The following GPNMB variants were observed in gnomAD, a reference collection of about 807,000 sequenced individuals.
GPNMB encodes the protein transmembrane glycoprotein NMB.
A neutral mutation model predicts 57.3 loss-of-function variants in GPNMB; 71 were observed. That is an observed-to-expected ratio of 1.24 (90% CI 1.02 to 1.51). GPNMB has a LOEUF of 1.51. Ranked by LOEUF, GPNMB falls within the 40% of genes most tolerant of loss-of-function variation. The pLI, the probability that GPNMB is intolerant of heterozygous loss-of-function variation, is 0.00. For synonymous variants in GPNMB, 253 were observed against 263.2 expected (o/e 0.96, Z 0.38); for missense variants, 677 against 691.9 (o/e 0.98, Z 0.24).
In GPNMB at chr7:23,256,945, G is replaced by T. The variant is rs146184286; in HGVS notation, c.421G>T (p.Asp141Tyr). ...TTACAACTGGACAGCATGGTCAGAGGACAGTGACGGGGAAAATGGCACCGG... is the reference window on the plus strand; with the variant it reads ...TTACAACTGGACAGCATGGTCAGAGTACAGTGACGGGGAAAATGGCACCGG... ...YVYNWTAWSE[D>Y]SDGENGTGQS... The change falls in exon 4 of 11, where the codon GAC (aspartate) becomes TAC (tyrosine). Residue 141 changes from aspartate (D) to tyrosine (Y), a missense_variant. Physicochemically the swap from Asp to Tyr is radical, Grantham distance 160. Coordinates refer to ENST00000258733, the MANE Select transcript of GPNMB (RefSeq NM_002510.3). 454 of 1,614,192 alleles carry T rather than the reference G, an allele frequency of 2.8e-4. 1 individual carries two copies. In the African/African-American group the frequency reaches 5.3e-3, roughly 19 times the overall value.
chr7:23,272,423 A>G (rs1163153718), intron 9 of GPNMB, among the ~76,000 whole-genome samples: 1 of 152,052 alleles, frequency 6.6e-6, no homozygotes, highest in Non-Finnish European at 1.5e-5. Context: ...TGAGCCCAGA[A>G]GTCCAGCCTG....
rs1271712521 is a variant in GPNMB, at chr7:23,274,789, G to A, written c.*565G>A. The A allele has an allele frequency of 6.6e-6, 1 of 152,108 alleles. No homozygotes were observed. Among genetic ancestry groups the A allele is most frequent in the East Asian group, 1.9e-4 (1 of 5,186 alleles). The allele number at this position is 152,108 out of a possible 1,614,324, so 9.4% of individuals were successfully genotyped here. A position where few individuals can be genotyped will look rare whatever the true frequency, so the allele number is the denominator to read the frequency against. On this transcript the variant is annotated 3_prime_UTR_variant, in exon 11 of 11. Coordinates refer to ENST00000258733, the MANE Select transcript of GPNMB (RefSeq NM_002510.3). Reference sequence around the variant, plus strand: ...TCTCATAAATGGGTGGGAGTATTTTGGTGACAACCTACTTTGCTTGGCTGA... The same window carrying A: ...TCTCATAAATGGGTGGGAGTATTTTAGTGACAACCTACTTTGCTTGGCTGA...
rs371662186 is a variant in GPNMB at position 23,256,968 on chromosome 7, C to T, written c.444C>T (p.Thr148=). The T allele has an allele frequency of 2.0e-5, 32 of 1,613,816 alleles. No homozygotes were observed. Among genetic ancestry groups the T allele is most frequent in the African/African-American group, 1.5e-4 (11 of 74,914 alleles). ...WSEDSDGENG[T]GQSHHNVFPD... Reference sequence around the variant, plus strand: ...AGGACAGTGACGGGGAAAATGGCACCGGCCAAAGCCATCATAACGTCTTCC... The same window carrying T: ...AGGACAGTGACGGGGAAAATGGCACTGGCCAAAGCCATCATAACGTCTTCC... Residue 148 remains threonine (T), a synonymous_variant, in exon 4 of 11, where the codon ACC becomes ACT. Coordinates refer to ENST00000258733, the MANE Select transcript of GPNMB (RefSeq NM_002510.3).
intron 8 of GPNMB, among the ~76,000 whole-genome samples, 198 bp downstream of exon 8, chr7:23,268,186 C>G (rs1783116640): frequency 6.6e-6 from 1 of 152,202 alleles, no homozygotes; most frequent in Non-Finnish European, 1.5e-5. Flanking sequence ...TACAGTTGAG[C>G]AATTGAGAAA....
At position 23,256,918 on chromosome 7, in the gene GPNMB, GT is replaced by G; in HGVS notation, c.397del (p.Tyr133ThrfsTer60). The part of the protein sequence containing the change: ...NEAGLSADPY[V>X]YNWTAWSEDS... ...GGCTGGTTTATCTGCTGATCCGTAT[GT>G]TTACAACTGGACAGCATGGTCAGAG... is the stretch of plus-strand genomic sequence containing the variant. On this transcript the variant is annotated frameshift_variant, in exon 4 of 11. Coordinates refer to ENST00000258733, the MANE Select transcript of GPNMB (RefSeq NM_002510.3). LOFTEE classifies it high-confidence loss of function. The G allele has an allele frequency of 6.2e-7, 1 of 1,614,162 alleles. No homozygotes were observed. Among genetic ancestry groups the G allele is most frequent in the Non-Finnish European group, 8.5e-7 (1 of 1,179,970 alleles).
intron 2 of GPNMB, among the ~76,000 whole-genome samples, chr7:23,253,774 G>T (rs1275519362): frequency 1.3e-5 from 2 of 152,130 alleles, no homozygotes; most frequent in African/African-American, 4.8e-5. Flanking sequence ...TCACCCCAAA[G>T]CCATTTTTAC....
intron 4 of GPNMB, among the ~76,000 whole-genome samples, chr7:23,259,273 C>A (rs1782854464): frequency 6.6e-6 from 1 of 152,146 alleles, no homozygotes; most frequent in African/African-American, 2.4e-5. Flanking sequence ...GGAATCCCCG[C>A]TCCGGGTTTA....
At chr7:23,265,211 A>G (rs926507375) in intron 6 of GPNMB, among the ~76,000 whole-genome samples, 2 of 152,306 alleles carry the variant, frequency 1.3e-5, no homozygotes, top group Admixed American at 6.5e-5. Context: ...GCACAGGAAA[A>G]TCACAGGGAT....
At chr7:23,259,856 C>G in intron 4 of GPNMB, 124 bp from the exon 5 acceptor site, 1 of 797,800 alleles carries the variant, frequency 1.3e-6, no homozygotes. Flanking sequence ...AGCAGCACCA[C>G]AGGCCCATCC....
chr7:23,264,112 AC>A (rs1481123566), intron 6 of GPNMB, among the ~76,000 whole-genome samples: 1 of 151,030 alleles, frequency 6.6e-6, no homozygotes, highest in Admixed American at 6.6e-5. Flanking sequence ...AAAAAAAAAA[AC>A]CTTTTGTAAG....
rs1197932726 is a variant in GPNMB, at chr7:23,257,083, C to G, written c.541+18C>G. 6.2e-6 allele frequency: 10 copies of G among 1,601,528 alleles called. No individual in the cohort carries two copies. Among genetic ancestry groups the G allele is most frequent in the Admixed American group, 5.0e-5 (3 of 59,982 alleles). ...CACACTTGGTTGGCTTTTACAAACCCCTAAGCTTCTTCTTTACCTTTCCTT... is the reference window on the plus strand; with the variant it reads ...CACACTTGGTTGGCTTTTACAAACCGCTAAGCTTCTTCTTTACCTTTCCTT... On this transcript the variant is annotated intron_variant, in intron 4 of 10. Coordinates refer to ENST00000258733, the MANE Select transcript of GPNMB (RefSeq NM_002510.3).
rs1021518739 is a variant in GPNMB at position 23,268,098 on chromosome 7, T to C, written c.1220+110T>C. The C allele has an allele frequency of 4.3e-5, 30 of 701,106 alleles. No individual in the cohort carries two copies. The African/African-American group carries it at 4.9e-4, about 12-fold the overall frequency. The allele number at this position is 701,106 out of a possible 1,614,324, so 43.4% of individuals were successfully genotyped here. A position where few individuals can be genotyped will look rare whatever the true frequency, so the allele number is the denominator to read the frequency against. On this transcript the variant is annotated intron_variant, in intron 8 of 10. Coordinates refer to ENST00000258733, the MANE Select transcript of GPNMB (RefSeq NM_002510.3). The stretch of plus-strand genomic sequence containing the variant: ...CTTTTAAGTTGATTTGAATTCCTAT[T>C]GATTTGAATTCCTATTTACTGGTAA...
In GPNMB at chr7:23,253,301, A is replaced by G. The variant is rs1159505201; in HGVS notation, c.71-6A>G. The G allele has an allele frequency of 6.2e-7, 1 of 1,611,636 alleles. No individual in the cohort carries two copies. ...AGAATGGAATTTGTTTCGAATATTG[A>G]TACAGGATTTCATGATGTGCTGGGC... On this transcript the variant is annotated splice_polypyrimidine_tract_variant and splice_region_variant and intron_variant, in intron 1 of 10. Coordinates refer to ENST00000258733, the MANE Select transcript of GPNMB (RefSeq NM_002510.3).
chr7:23,260,551 C>A lies in GPNMB; in HGVS notation c.796C>A (p.Leu266Met). The A allele has an allele frequency of 6.2e-7, 1 of 1,613,440 alleles. No individual in the cohort carries two copies. Among genetic ancestry groups the A allele is most frequent in the East Asian group, 2.2e-5 (1 of 44,880 alleles). ...LKDLPIMFDV[L>M]IHDPSHFLNY... Reference sequence around the variant, plus strand: ...AGATCTCCCCATTATGTTTGATGTCCTGATTCATGATCCTAGCCACTTCCT... The same window carrying A: ...AGATCTCCCCATTATGTTTGATGTCATGATTCATGATCCTAGCCACTTCCT... The change falls in exon 6 of 11, where the codon CTG (leucine) becomes ATG (methionine). Residue 266 changes from leucine to methionine, a missense_variant. Transcript: ENST00000258733.
chr7:23,258,214 G>C (rs909911473), intron 4 of GPNMB, among the ~76,000 whole-genome samples: 4 of 152,152 alleles, frequency 2.6e-5, no homozygotes, highest in African/African-American at 9.7e-5. Context: ...TTTGAAAATT[G>C]CTACCAATCA....
rs1459384192 is a variant in GPNMB at position 23,260,522 on chromosome 7, T to A, written c.767T>A (p.Leu256His). 6.2e-7 allele frequency: 1 copy of A among 1,613,752 alleles called. No homozygotes were observed. Among genetic ancestry groups the A allele is most frequent in the African/African-American group, 1.3e-5 (1 of 74,906 alleles). The stretch of plus-strand genomic sequence containing the variant: ...CGAAATTCATCCGACGAAACCTTCC[T>A]CAAAGATCTCCCCATTATGTTTGAT... ...NDRNSSDETF[L>H]KDLPIMFDVL... The change falls in exon 6 of 11, where the codon CTC becomes CAC. Residue 256 changes from leucine (L) to histidine (H), a missense_variant. Transcript: ENST00000258733.
In GPNMB at chr7:23,254,160, A is replaced by G. The variant is rs1043296124; in HGVS notation, c.224-9A>G. The G allele has an allele frequency of 1.9e-6, 3 of 1,592,254 alleles. No homozygotes were observed. The highest frequency in any genetic ancestry group is 1.7e-4 in the Middle Eastern group (1 of 5,960). On this transcript the variant is annotated splice_polypyrimidine_tract_variant and intron_variant, in intron 2 of 10. Transcript: ENST00000258733. ...CTGGATCATCGAGCCCCACTTTTTT[A>G]TACCCTAGGAGGCCGTGTGCAGGCG... is the stretch of plus-strand genomic sequence containing the variant.
At position 23,273,520 on chromosome 7, in the gene GPNMB, G is replaced by A. The variant is rs1276070922; in HGVS notation, c.1430-1G>A. 2 of 1,608,270 alleles carry A rather than the reference G, an allele frequency of 1.2e-6. No homozygotes were observed. Among genetic ancestry groups the A allele is most frequent in the Admixed American group, 3.3e-5 (2 of 59,960 alleles). ...TAACATGCTCTTGCTTCTGTTTTAA[G>A]ACCCAGCCTCGCCTTTAAGGATGGC... is the stretch of plus-strand genomic sequence containing the variant. On this transcript the variant is annotated splice_acceptor_variant, in intron 9 of 10. Coordinates refer to ENST00000258733, the MANE Select transcript of GPNMB (RefSeq NM_002510.3). LOFTEE classifies it high-confidence loss of function.
chr7:23,246,972 T>G (rs779993007), intron 1 of GPNMB, 45 bp downstream of exon 1: 4 of 1,336,400 alleles, frequency 3.0e-6, no homozygotes, highest in Non-Finnish European at 4.3e-6. Flanking sequence ...CTCTGGCCAT[T>G]GGCTGAAATG....
Sources: gnomAD v4.1 joint callset for allele counts (sites outside exome capture counted in the v4.1 genomes callset) on GRCh38, gnomAD v4.1.1 for gene constraint, MANE v1.5 for transcripts, NCBI Gene and HGNC (gene_info 2026-07-23, HGNC 2026-07-21) for gene names.